RPH3AL: variants seen among roughly 807,000 people sequenced by gnomAD.
RPH3AL encodes the protein rabphilin 3A like (without C2 domains), also known as rab effector Noc2.
A neutral mutation model predicts 43.1 loss-of-function variants in RPH3AL; 38 were observed. The observed-to-expected ratio is 0.88, with a 90% CI of 0.68 to 1.15. RPH3AL has a LOEUF of 1.15. Among genes scored for constraint, RPH3AL ranks in the 50% most tolerant of loss-of-function variants. The pLI is 0.00. For missense variants in RPH3AL, 462 were observed against 423.2 expected, an observed-to-expected ratio of 1.09 and a Z score of -0.81; for synonymous variants, 189 against 176.3, an observed-to-expected ratio of 1.07 and a Z score of -0.57.
intron 5 of RPH3AL, among the ~76,000 whole-genome samples, chr17:312,901 G>A (rs776270234): frequency 3.2e-4 from 49 of 152,308 alleles, no homozygotes; most frequent in African/African-American, 9.4e-4. Flanking sequence ...GAAGCTAGCC[G>A]TGCCAGGTGC....
intron 7 of RPH3AL, among the ~76,000 whole-genome samples, chr17:243,182 T>C (rs1244215368): frequency 7.0e-6 from 1 of 142,972 alleles, no homozygotes; most frequent in Non-Finnish European, 1.6e-5. Context: ...TTGATTACCC[T>C]TCCTCTATTG....
Position 321,406 on chromosome 17 carries a change from C to G in RPH3AL, c.87G>C (p.Thr29=). The G allele has an allele frequency of 6.2e-7, 1 of 1,607,128 alleles. No homozygotes were observed. The part of the protein sequence containing the change: ...RQLALRAKLQ[T]GWSVHTYQTE... Reference sequence around the variant, plus strand: ...TCTGGTAGGTGTGCACGGACCAGCCCGTCTGCAGCCTCGAGAGGGAACAGC... The same window carrying G: ...TCTGGTAGGTGTGCACGGACCAGCCGGTCTGCAGCCTCGAGAGGGAACAGC... Residue 29 remains threonine (T), a synonymous_variant, in exon 4 of 10, where the codon ACG becomes ACC. Coordinates refer to ENST00000331302, the MANE Select transcript of RPH3AL (RefSeq NM_006987.4).
At chr17:251,569 T>C (rs903662130) in intron 6 of RPH3AL, among the ~76,000 whole-genome samples, 2 of 152,208 alleles carry the variant, frequency 1.3e-5, no homozygotes, top group Admixed American at 6.5e-5. Context: ...AAATCCTCAG[T>C]GGCTCAGACG....
At chr17:278,041 C>T (rs543439154) in intron 6 of RPH3AL, among the ~76,000 whole-genome samples, 6 of 152,102 alleles carry the variant, frequency 3.9e-5, no homozygotes, top group Admixed American at 2.0e-4. Context: ...CCCACTCTAT[C>T]GTAACTCTGA....
At position 346,153 on chromosome 17, in the gene RPH3AL, G is replaced by A. The variant is rs1258688127; in HGVS notation, c.-213+6559C>T. On this transcript the variant is annotated intron_variant, in intron 1 of 9. Transcript: ENST00000331302. ...GGTGAGCAAACTGAGGCTCAGAGAG[G>A]TAAATGACAGCTGGTAAGCGACAAA... 2.2e-5 allele frequency among the ~76,000 whole-genome samples: 3 copies of A among 134,870 alleles called. 1 individual carries two copies. The highest frequency in any genetic ancestry group is 7.2e-5 in the Admixed American group (1 of 13,908). The allele number at this position is 134,870 out of a possible 152,430, so 88.5% of individuals were successfully genotyped here.
chr17:253,047 C>T (rs1432270937), intron 6 of RPH3AL, among the ~76,000 whole-genome samples: 6 of 152,148 alleles, frequency 3.9e-5, no homozygotes, highest in South Asian at 2.1e-4. Flanking sequence ...GTGGGGACCT[C>T]GGCTTACACT....
rs148495263 is a variant in RPH3AL, at chr17:253,177, G to T, written c.439-5892C>A. On this transcript the variant is annotated intron_variant, in intron 6 of 9. Coordinates refer to ENST00000331302, the MANE Select transcript of RPH3AL (RefSeq NM_006987.4). ...TGAGGCCACCAGAGTGAGGGGCGTGGGGCGAACAATGGAGCTACCCTGCCA... is the reference window on the plus strand; with the variant it reads ...TGAGGCCACCAGAGTGAGGGGCGTGTGGCGAACAATGGAGCTACCCTGCCA... Among the ~76,000 whole-genome samples, 46 of 152,280 alleles carry T rather than the reference G, an allele frequency of 3.0e-4. 1 individual carries two copies. The highest frequency in any genetic ancestry group is 9.9e-4 in the African/African-American group (41 of 41,558).
intron 5 of RPH3AL, among the ~76,000 whole-genome samples, chr17:285,685 A>T (rs2042889886): frequency 1.3e-5 from 2 of 152,180 alleles, no homozygotes; most frequent in African/African-American, 4.8e-5. Context: ...CGCAAGGGAC[A>T]GCAGAGAAAT....
chr17:304,994 CG>C, intron 5 of RPH3AL, among the ~76,000 whole-genome samples: 3 of 26,976 alleles, frequency 1.1e-4, no homozygotes, highest in Admixed American at 4.9e-4. Context: ...GGGGACAGGG[CG>C]AGAGGGGACA....
At chr17:272,683 C>G (rs1440638809) in intron 6 of RPH3AL, among the ~76,000 whole-genome samples, 1 of 150,492 alleles carries the variant, frequency 6.6e-6, no homozygotes, top group Admixed American at 6.6e-5. Context: ...GTGCAGCACA[C>G]CAACATGGCA....
chr17:258,077 C>G (rs1263095157), intron 6 of RPH3AL, among the ~76,000 whole-genome samples: 1 of 152,098 alleles, frequency 6.6e-6, no homozygotes, highest in African/African-American at 2.4e-5. Context: ...CAACCCGTGT[C>G]AGCACGTCCT....
intron 6 of RPH3AL, among the ~76,000 whole-genome samples, chr17:270,990 G>A (rs1462496219): frequency 8.5e-5 from 13 of 152,106 alleles, no homozygotes; most frequent in South Asian, 2.1e-4. Flanking sequence ...AGCTTTCCAC[G>A]TATGGCTAGC....
chr17:213,746 T>G lies in RPH3AL; in HGVS notation c.*106A>C. On this transcript the variant is annotated 3_prime_UTR_variant, in exon 10 of 10. Coordinates refer to ENST00000331302, the MANE Select transcript of RPH3AL (RefSeq NM_006987.4). ...CTCCCAACACTGGTTTGTTGAGTCA[T>G]GGCCAACAGGGTGTCTGGTGAGGGC... The G allele has an allele frequency of 1.1e-6, 1 of 902,968 alleles. No individual in the cohort carries two copies. Among genetic ancestry groups the G allele is most frequent in the South Asian group, 1.4e-5 (1 of 71,404 alleles). 55.9% of individuals were successfully genotyped at this position (902,968 alleles called of 1,614,324 possible).
intron 5 of RPH3AL, among the ~76,000 whole-genome samples, chr17:314,864 C>G (rs796446250): frequency 5.8e-4 from 10 of 17,320 alleles, no homozygotes; most frequent in African/African-American, 1.7e-3. Context: ...GTCCCTGTGC[C>G]CCACCTCCAT....
At chr17:241,721 C>CTTTTTTTTTTT (rs58397357) in intron 7 of RPH3AL, among the ~76,000 whole-genome samples, 38 of 133,874 alleles carry the variant, frequency 2.8e-4, no homozygotes, top group South Asian at 4.7e-4. Context: ...CTTTTTTTTT[C>CTTTTTTTTTTT]TTTTTTTTTT....
rs1241780546 is a variant in RPH3AL, at chr17:319,435, G to A, written c.336C>T (p.Cys112=). The A allele has an allele frequency of 8.7e-6, 14 of 1,612,354 alleles. 1 individual carries two copies. The Middle Eastern group carries it at 6.6e-4, about 76-fold the overall frequency. ...LGFLGSSSVF[C]KDCRKKVCTK... is the part of the protein sequence containing the mutation. ...AGGGTCTTACCTTCCTGCAGTCTTT[G>A]CAGAACACCGACGAGCTGCCCAGGA... Residue 112 remains cysteine (C), a synonymous_variant, in exon 5 of 10, where the codon TGC becomes TGT. Coordinates refer to ENST00000331302, the MANE Select transcript of RPH3AL (RefSeq NM_006987.4).
intron 6 of RPH3AL, among the ~76,000 whole-genome samples, chr17:250,825 C>A (rs1281821882): frequency 6.6e-6 from 1 of 151,414 alleles, no homozygotes; most frequent in Non-Finnish European, 1.5e-5. Flanking sequence ...CCTCTCGGAG[C>A]CTTTACCAAG....
At chr17:241,844 G>A (rs1407002016) in intron 7 of RPH3AL, among the ~76,000 whole-genome samples, 2 of 151,048 alleles carry the variant, frequency 1.3e-5, no homozygotes, top group Non-Finnish European at 2.9e-5. Flanking sequence ...GGACTGGCAT[G>A]GTGGCTCATG....
chr17:269,157 C>T (rs926259652), intron 6 of RPH3AL, among the ~76,000 whole-genome samples: 13 of 152,112 alleles, frequency 8.5e-5, no homozygotes, highest in Non-Finnish European at 1.3e-4. Flanking sequence ...GGATCACAGG[C>T]GTGAGCCACC....
Sources: gnomAD v4.1 joint callset for allele counts (sites outside exome capture counted in the v4.1 genomes callset) on GRCh38, gnomAD v4.1.1 for gene constraint, MANE v1.5 for transcripts, NCBI Gene and HGNC (gene_info 2026-07-23, HGNC 2026-07-21) for gene names.